Variants in CHIT1 observed in about 807,000 individuals in gnomAD.
The protein encoded by CHIT1 is chitotriosidase-1.
In CHIT1, 47 loss-of-function variants were observed where a neutral mutation model predicts 52.0. The ratio of observed to expected loss-of-function variants is 0.90; its 90% confidence interval spans 0.71 to 1.15. The LOEUF (loss-of-function observed/expected upper bound fraction) is 1.15, where lower values mean the gene tolerates loss of function less well. CHIT1 is among the 50% of genes most tolerant of loss of function. The pLI is 0.00. For synonymous variants in CHIT1, 242 were observed against 228.2 expected (o/e 1.06, Z -0.54); for missense variants, 569 against 583.0 (o/e 0.98, Z 0.25).
Position 203,217,770 on chromosome 1 carries a change from G to A in CHIT1, c.1125C>T (p.Tyr375=), listed in dbSNP as rs149987600. The A allele has an allele frequency of 3.7e-6, 6 of 1,613,858 alleles. No individual in the cohort carries two copies. The highest frequency in any genetic ancestry group is 2.7e-5 in the African/African-American group (2 of 74,912). Residue 375 remains tyrosine, a synonymous_variant, in exon 10 of 11, where the codon TAC becomes TAT. Transcript: ENST00000367229. ...CCTGCCGTAGCGTCTGGATGAGGGG[G>A]TATCGGCCCTGGTTGCAGGAGAAGC... ...FAGFSCNQGR[Y]PLIQTLRQEL...
rs895561035 is a variant in CHIT1, at chr1:203,218,033, C to A, written c.1030-168G>T. 20 of 1,532,232 alleles carry A rather than the reference C, an allele frequency of 1.3e-5. No homozygotes were observed. In the Admixed American group the frequency reaches 3.7e-4, roughly 29 times the overall value. 94.9% of individuals were successfully genotyped at this position (1,532,232 alleles called of 1,614,324 possible). Reference sequence around the variant, plus strand: ...TGGGCTGGGAGCCTGGATGCTGAGTCCTCATGCTGCTTGGACATCAGTCAT... The same window carrying A: ...TGGGCTGGGAGCCTGGATGCTGAGTACTCATGCTGCTTGGACATCAGTCAT... On this transcript the variant is annotated intron_variant, in intron 9 of 10. Coordinates refer to ENST00000367229, the MANE Select transcript of CHIT1 (RefSeq NM_003465.3).
rs1051153095 is a variant in CHIT1, at chr1:203,216,345, A to G, written c.*544T>C. On this transcript the variant is annotated 3_prime_UTR_variant, in exon 11 of 11. Coordinates refer to ENST00000367229, the MANE Select transcript of CHIT1 (RefSeq NM_003465.3). ...AGTGTAATGCTGAGTGGCTGCTCGCAGAGCGCTTAAATCAGGGAAAAGTTC... is the reference window on the plus strand; with the variant it reads ...AGTGTAATGCTGAGTGGCTGCTCGCGGAGCGCTTAAATCAGGGAAAAGTTC... 3 of 453,992 alleles carry G rather than the reference A, an allele frequency of 6.6e-6. No homozygotes were observed. Among genetic ancestry groups the G allele is most frequent in the African/African-American group, 6.0e-5 (3 of 49,990 alleles). The allele number at this position is 453,992 out of a possible 1,614,324, so 28.1% of individuals were successfully genotyped here. A position where few individuals can be genotyped will look rare whatever the true frequency, so the allele number is the denominator to read the frequency against.
In CHIT1 at chr1:203,219,755, G is replaced by A; in HGVS notation, c.824C>T (p.Ser275Phe). Residue 275 changes from serine to phenylalanine, a missense_variant, in exon 8 of 11, where the codon TCC becomes TTC. Ser to Phe is a radical substitution (Grantham distance 155). Coordinates refer to ENST00000367229, the MANE Select transcript of CHIT1 (RefSeq NM_003465.3). ...PTYGRSFTLASSSDTRVGAPA... is the reference protein window; with the variant it reads ...PTYGRSFTLAFSSDTRVGAPA... ...GGCCCCCACTCTGGTGTCTGATGAG[G>A]AGGCCAGTGTGAAGGAGCGTCCGTA... The A allele has an allele frequency of 6.2e-7, 1 of 1,613,960 alleles. No individual in the cohort carries two copies. Among genetic ancestry groups the A allele is most frequent in the Non-Finnish European group, 8.5e-7 (1 of 1,180,012 alleles).
In CHIT1 at chr1:203,217,007, T is replaced by C. The variant is rs1247325511; in HGVS notation, c.1283A>G (p.Tyr428Cys). The stretch of plus-strand genomic sequence containing the variant: ...GCTGGACCGTTCCCGAGGATTGGGA[T>C]AGAGCCCATCAGCTTTGCCCTGGCA... Reference protein sequence around the residue: ...TFCQGKADGLYPNPRERSSFY... With the variant: ...TFCQGKADGLCPNPRERSSFY... Residue 428 changes from tyrosine (Y) to cysteine (C), a missense_variant, in exon 11 of 11, where the codon TAT becomes TGT. Transcript: ENST00000367229. 1.2e-6 allele frequency: 2 copies of C among 1,614,094 alleles called. No individual in the cohort carries two copies. The highest frequency in any genetic ancestry group is 2.2e-5 in the East Asian group (1 of 44,892).
intron 7 of CHIT1, among the ~76,000 whole-genome samples, chr1:203,221,492 G>T (rs1656730207): frequency 6.6e-6 from 1 of 152,018 alleles, no homozygotes; most frequent in South Asian, 2.1e-4. Flanking sequence ...AAATTAGCTG[G>T]TCATAGTGAT....
rs758032638 is a variant in CHIT1 at position 203,217,797 on chromosome 1, G to T, written c.1098C>A (p.Ala366=). Reference sequence around the variant, plus strand: ...ATCGGCCCTGGTTGCAGGAGAAGCCGGCAAAGTCATCTAAGTCCAGTGCCC... The same window carrying T: ...ATCGGCCCTGGTTGCAGGAGAAGCCTGCAAAGTCATCTAAGTCCAGTGCCC... ...MVWALDLDDF[A]GFSCNQGRYP... Residue 366 remains alanine (A), a synonymous_variant, in exon 10 of 11, where the codon GCC becomes GCA. Coordinates refer to ENST00000367229, the MANE Select transcript of CHIT1 (RefSeq NM_003465.3). 2.2e-6 allele frequency: 3 copies of T among 1,346,814 alleles called. No individual in the cohort carries two copies. The highest frequency in any genetic ancestry group is 1.0e-6 in the Non-Finnish European group (1 of 973,834). The allele number at this position is 1,346,814 out of a possible 1,614,324, so 83.4% of individuals were successfully genotyped here.
chr1:203,217,221 G>T, intron 10 of CHIT1, 88 bp from the exon 11 acceptor site: 1 of 1,595,340 alleles, frequency 6.3e-7, no homozygotes, highest in East Asian at 2.2e-5. Flanking sequence ...CCATTGGCTG[G>T]CAGCAGCCCA....
chr1:203,223,427 A>G (rs1416730383), intron 5 of CHIT1, 68 bp downstream of exon 5: 11 of 1,602,928 alleles, frequency 6.9e-6, no homozygotes, highest in Non-Finnish European at 9.4e-6. Context: ...CAGCCCCCAC[A>G]TGTGCTGTGG....
At chr1:203,219,085 C>G (rs958716819) in intron 9 of CHIT1, 131 bp downstream of exon 9, 1 of 734,838 alleles carries the variant, frequency 1.4e-6, no homozygotes, top group East Asian at 2.5e-5. Flanking sequence ...AATACTATCA[C>G]GTGGAGATTT....
chr1:203,223,052 C>T, intron 6 of CHIT1, 83 bp downstream of exon 6: 1 of 1,574,914 alleles, frequency 6.3e-7, no homozygotes, highest in Non-Finnish European at 8.7e-7. Context: ...TGAACACCTG[C>T]TCTACCCATG....
chr1:203,219,477 C>A (rs1425774377), intron 8 of CHIT1, 148 bp from the exon 9 acceptor site: 2 of 884,718 alleles, frequency 2.3e-6, no homozygotes, highest in East Asian at 5.0e-5. Flanking sequence ...ACCTAGAATT[C>A]TGGACTCAGC....
intron 7 of CHIT1, 48 bp downstream of exon 7, chr1:203,222,154 G>C: frequency 6.2e-7 from 1 of 1,612,010 alleles, no homozygotes. Context: ...CACCAAACAG[G>C]GCCTGCTGGA....
In CHIT1 at chr1:203,216,079, G is replaced by C. The variant is rs1412009009; in HGVS notation, c.*810C>G. The C allele has an allele frequency of 2.2e-6, 1 of 453,018 alleles. No homozygotes were observed. The allele number at this position is 453,018 out of a possible 1,614,324, so 28.1% of individuals were successfully genotyped here. On this transcript the variant is annotated 3_prime_UTR_variant, in exon 11 of 11. Coordinates refer to ENST00000367229, the MANE Select transcript of CHIT1 (RefSeq NM_003465.3). The stretch of plus-strand genomic sequence containing the variant: ...CCAAGGTGCAGCCCAAAGCAGCCAG[G>C]AATGTTGGGATGACTTTATTTAACC...
chr1:203,223,435 TG>T (rs1656812766), intron 5 of CHIT1, 59 bp downstream of exon 5: 3 of 1,606,262 alleles, frequency 1.9e-6, no homozygotes, highest in East Asian at 2.2e-5. Context: ...ACATGTGCTG[TG>T]GGGGCTCCAG....
chr1:203,225,693 T>G lies in CHIT1; in HGVS notation c.233A>C (p.Gln78Pro). The part of the protein sequence containing the change: ...TTEWNDETLY[Q>P]EFNGLKKMNP... ...CATCTTCTTCAGGCCATTGAACTCC[T>G]GGTAGAGAGTCTCGTCATTCCACTC... The change falls in exon 3 of 11, where the codon CAG becomes CCG. Residue 78 changes from glutamine to proline, a missense_variant. Gln to Pro is a moderately conservative substitution (Grantham distance 76, BLOSUM62 -1). Coordinates refer to ENST00000367229, the MANE Select transcript of CHIT1 (RefSeq NM_003465.3). 1 of 1,603,800 alleles carries G rather than the reference T, an allele frequency of 6.2e-7. No homozygotes were observed. The highest frequency in any genetic ancestry group is 8.5e-7 in the Non-Finnish European group (1 of 1,173,118).
rs541754674 is a variant in CHIT1, at chr1:203,224,860, A to G, written c.314+188T>C. 5.3e-5 allele frequency among the ~76,000 whole-genome samples: 8 copies of G among 152,266 alleles called. No homozygotes were observed. In the East Asian group the frequency reaches 1.6e-3, roughly 30 times the overall value. Reference sequence around the variant, plus strand: ...TCTGAAACAGCCTGGAGCAAAGCTCACTGTGCTGCCCTCCAGCTGAGGTGC... The same window carrying G: ...TCTGAAACAGCCTGGAGCAAAGCTCGCTGTGCTGCCCTCCAGCTGAGGTGC... On this transcript the variant is annotated intron_variant, in intron 4 of 10. Transcript: ENST00000367229.
chr1:203,221,014 A>C (rs1013744360), intron 7 of CHIT1, among the ~76,000 whole-genome samples: 3 of 152,182 alleles, frequency 2.0e-5, no homozygotes, highest in African/African-American at 7.2e-5. Context: ...CCCCACCAGC[A>C]CAGGGATACA....
chr1:203,229,118 C>A (rs1026811930), intron 1 of CHIT1, among the ~76,000 whole-genome samples: 1 of 152,162 alleles, frequency 6.6e-6, no homozygotes, highest in Non-Finnish European at 1.5e-5. Context: ...ACCTGGTGAC[C>A]TTGGACTTCT....
At chr1:203,218,013 T>C in intron 9 of CHIT1, 148 bp from the exon 10 acceptor site, 1 of 1,534,598 alleles carries the variant, frequency 6.5e-7, no homozygotes. Flanking sequence ...AGCCTTGGGC[T>C]GGGAGCCTGG....
Sources: allele counts gnomAD v4.1 joint callset (sites outside exome capture counted in the v4.1 genomes callset), GRCh38; gene constraint gnomAD v4.1.1; transcripts MANE v1.5; gene names NCBI Gene and HGNC (gene_info 2026-07-23, HGNC 2026-07-21).